Variants in PTPRN2 observed in about 807,000 individuals in gnomAD.
PTPRN2 encodes the protein receptor-type tyrosine-protein phosphatase N2.
In PTPRN2, 74 loss-of-function variants were observed where a neutral mutation model predicts 118.8. That is an observed-to-expected ratio of 0.62 (90% CI 0.52 to 0.76). The LOEUF (loss-of-function observed/expected upper bound fraction) is 0.76. Ranked by LOEUF, PTPRN2 falls within the 30% of genes least tolerant of loss-of-function variation. The probability of loss-of-function intolerance (pLI) is 0.00; values close to 1 mark genes in which losing one functional copy is unlikely to be tolerated. For synonymous variants in PTPRN2, 641 were observed against 608.0 expected (o/e 1.05, Z -0.80); for missense variants, 1,481 against 1,394.4 (o/e 1.06, Z -0.99).
In PTPRN2 at chr7:157,857,956, C is replaced by T. The variant is rs141340770; in HGVS notation, c.1788+40717G>A. 9.2e-3 allele frequency: 1,437 copies of T among 155,396 alleles called. 13 individuals are homozygous for T. Among genetic ancestry groups the T allele is most frequent in the Non-Finnish European group, 0.014 (965 of 69,808 alleles). The allele number at this position is 155,396 out of a possible 1,614,324, so 9.6% of individuals were successfully genotyped here. ...GGAACAGACACGTACTCAAAGACGG[C>T]GGGTATGAGAAAGCCTTGTGAGGGA... On this transcript the variant is annotated intron_variant, in intron 12 of 22. Transcript: ENST00000389418.
chr7:158,150,536 G>C (rs974383042), intron 6 of PTPRN2, among the ~76,000 whole-genome samples: 1 of 152,038 alleles, frequency 6.6e-6, no homozygotes, highest in Non-Finnish European at 1.5e-5. Flanking sequence ...GTATTCACCA[G>C]CTCCTGGAGC....
intron 3 of PTPRN2, among the ~76,000 whole-genome samples, chr7:158,274,952 A>C (rs989453811): frequency 2.0e-5 from 3 of 152,234 alleles, no homozygotes; most frequent in Non-Finnish European, 4.4e-5. Flanking sequence ...TTTTATATTC[A>C]AATCCACCAC....
intron 12 of PTPRN2, among the ~76,000 whole-genome samples, chr7:157,819,961 C>T (rs1806705501): frequency 6.6e-6 from 1 of 151,708 alleles, no homozygotes; most frequent in Non-Finnish European, 1.5e-5. Context: ...ACACAGCAGA[C>T]CCAAACACGT....
chr7:157,655,277 C>T (rs1038105861), intron 14 of PTPRN2, among the ~76,000 whole-genome samples: 12 of 152,212 alleles, frequency 7.9e-5, no homozygotes, highest in African/African-American at 2.7e-4. Flanking sequence ...TTTCCCCAAA[C>T]GTCTGGTCCA....
chr7:157,630,515 G>T (rs1034767620), intron 14 of PTPRN2, among the ~76,000 whole-genome samples: 1 of 152,166 alleles, frequency 6.6e-6, no homozygotes, highest in African/African-American at 2.4e-5. Context: ...CCGTGTGCCC[G>T]TCACGGCAGC....
intron 14 of PTPRN2, among the ~76,000 whole-genome samples, chr7:157,638,867 C>G (rs906490514): frequency 6.6e-6 from 1 of 152,218 alleles, no homozygotes; most frequent in Non-Finnish European, 1.5e-5. Context: ...TCGCTGCTCA[C>G]CTGCTGCAGA....
At chr7:157,891,920 C>T (rs75319908) in intron 12 of PTPRN2, among the ~76,000 whole-genome samples, 1 of 152,328 alleles carries the variant, frequency 6.6e-6, no homozygotes, top group East Asian at 1.9e-4. Flanking sequence ...CCCAGACAGC[C>T]CCCAGTCTGA....
At chr7:157,902,229 G>A (rs1020685199) in intron 11 of PTPRN2, among the ~76,000 whole-genome samples, 1 of 152,252 alleles carries the variant, frequency 6.6e-6, no homozygotes, top group Non-Finnish European at 1.5e-5. Context: ...TTCCGGAAAG[G>A]GCGTCAGCTG....
intron 19 of PTPRN2, among the ~76,000 whole-genome samples, chr7:157,576,093 G>C (rs140823934): frequency 6.6e-6 from 1 of 152,248 alleles, no homozygotes; most frequent in Non-Finnish European, 1.5e-5. Flanking sequence ...TTGGGTGACT[G>C]GCTGACTGGA....
At chr7:157,769,401 C>CG (rs796191941) in intron 12 of PTPRN2, among the ~76,000 whole-genome samples, 38 of 152,090 alleles carry the variant, frequency 2.5e-4, no homozygotes, top group African/African-American at 5.5e-4. Flanking sequence ...CCCTCATTGT[C>CG]GGGGGGGCAG....
At chr7:158,250,829 T>C (rs1796607549) in intron 3 of PTPRN2, among the ~76,000 whole-genome samples, 2 of 152,234 alleles carry the variant, frequency 1.3e-5, no homozygotes, top group Admixed American at 6.5e-5. Context: ...TGTGTCCTCC[T>C]AACCATGTTG....
intron 2 of PTPRN2, among the ~76,000 whole-genome samples, chr7:158,374,973 G>T (rs7788805): frequency 2.0e-5 from 3 of 152,226 alleles, no homozygotes; most frequent in East Asian, 1.9e-4. Flanking sequence ...AATAAAGGGT[G>T]GGGCTAAAAT....
At chr7:157,890,822 C>T (rs555297838) in intron 12 of PTPRN2, among the ~76,000 whole-genome samples, 1 of 152,330 alleles carries the variant, frequency 6.6e-6, no homozygotes, top group African/African-American at 2.4e-5. Context: ...CAGCTCTCCA[C>T]CTCACCTGTT....
chr7:158,523,607 A>AGTC (rs766723456), intron 1 of PTPRN2, among the ~76,000 whole-genome samples: 1 of 91,112 alleles, frequency 1.1e-5, no homozygotes, highest in Non-Finnish European at 2.1e-5. Context: ...CCTGGAGCAG[A>AGTC]GTCTGCCCTG....
At chr7:157,649,620 C>G (rs376105670) in intron 14 of PTPRN2, among the ~76,000 whole-genome samples, 127 of 31,358 alleles carry the variant, frequency 4.0e-3, no homozygotes, top group Admixed American at 9.3e-3. Context: ...TCGGTGGGTC[C>G]GATCCATTCA....
Position 157,801,873 on chromosome 7 carries a change from C to T in PTPRN2, c.1788+96800G>A, listed in dbSNP as rs1158834418. Reference sequence around the variant, plus strand: ...TTATCAGAAACCTGCAGGAAAACAACACAGATTTATTCTCTCACAGGAGGC... The same window carrying T: ...TTATCAGAAACCTGCAGGAAAACAATACAGATTTATTCTCTCACAGGAGGC... On this transcript the variant is annotated intron_variant, in intron 12 of 22. Transcript: ENST00000389418. This position sits in a 1 kb window ranked among gnomAD's most constrained non-coding sequence, Gnocchi z 4.2. 1.3e-5 allele frequency among the ~76,000 whole-genome samples: 2 copies of T among 152,164 alleles called. No individual in the cohort carries two copies. Among genetic ancestry groups the T allele is most frequent in the Non-Finnish European group, 2.9e-5 (2 of 68,026 alleles).
At chr7:158,131,483 CACTT>C (rs1404233134) in intron 9 of PTPRN2, among the ~76,000 whole-genome samples, 2 of 146,148 alleles carry the variant, frequency 1.4e-5, no homozygotes, top group East Asian at 2.0e-4. Flanking sequence ...CATACACACA[CACTT>C]ATACACACAA....
intron 1 of PTPRN2, among the ~76,000 whole-genome samples, chr7:158,540,218 C>T (rs1011795070): frequency 6.6e-5 from 10 of 152,182 alleles, no homozygotes; most frequent in South Asian, 2.1e-4. Flanking sequence ...TCTCTGCAGC[C>T]GGGGGCTCCC....
intron 12 of PTPRN2, among the ~76,000 whole-genome samples, chr7:157,765,688 A>ACACC (rs1802417087): frequency 8.7e-6 from 1 of 115,440 alleles, no homozygotes; most frequent in African/African-American, 3.4e-5. Context: ...ATCCACCCAC[A>ACACC]TACCCATCCA....
Sources: gnomAD v4.1 joint callset for allele counts (sites outside exome capture counted in the v4.1 genomes callset) on GRCh38, gnomAD v4.1.1 for gene constraint, Gnocchi (gnomAD v3.1) non-coding constraint, MANE v1.5 for transcripts, NCBI Gene and HGNC (gene_info 2026-07-23, HGNC 2026-07-21) for gene names.